The following PPP2R5E variants were observed in gnomAD, a reference collection of about 807,000 sequenced individuals.
PPP2R5E encodes the protein serine/threonine-protein phosphatase 2A 56 kDa regulatory subunit epsilon isoform.
In PPP2R5E, 4 loss-of-function variants were observed where a neutral mutation model predicts 65.3. That is an observed-to-expected ratio of 0.06 (90% CI 0.03 to 0.14). PPP2R5E has a LOEUF of 0.14. Among genes scored for constraint, PPP2R5E ranks in the 10% least tolerant of loss-of-function variants. PPP2R5E has a pLI of 1.00. For synonymous variants in PPP2R5E, 183 were observed against 187.4 expected (o/e 0.98, Z 0.19); for missense variants, 274 against 556.1 (o/e 0.49, Z 5.10).
intron 3 of PPP2R5E, among the ~76,000 whole-genome samples, chr14:63,425,828 G>C (rs1887300715): frequency 6.6e-6 from 1 of 152,136 alleles, no homozygotes; most frequent in Admixed American, 6.6e-5. Flanking sequence ...TTATTTCTAA[G>C]GATGTTTATC....
intron 5 of PPP2R5E, among the ~76,000 whole-genome samples, chr14:63,408,623 T>A (rs1384567560): frequency 6.6e-6 from 1 of 152,238 alleles, no homozygotes; most frequent in African/African-American, 2.4e-5. Flanking sequence ...TTCAAGTTTT[T>A]AAAAAACTAA....
chr14:63,515,561 C>G (rs557775265), intron 2 of PPP2R5E, among the ~76,000 whole-genome samples: 26 of 151,570 alleles, frequency 1.7e-4, no homozygotes, highest in Admixed American at 1.1e-3. Context: ...GTCAGAGTCT[C>G]ACTCTGTAGC....
chr14:63,444,221 C>A (rs1888369922), intron 3 of PPP2R5E, among the ~76,000 whole-genome samples: 1 of 152,216 alleles, frequency 6.6e-6, no homozygotes. Context: ...CTGTATATAA[C>A]ATGTGGTTTG....
At chr14:63,412,505 T>G (rs1158082289) in intron 5 of PPP2R5E, among the ~76,000 whole-genome samples, 1 of 152,116 alleles carries the variant, frequency 6.6e-6, no homozygotes, top group Non-Finnish European at 1.5e-5. Context: ...AGATGTCATA[T>G]TAGAGGACAA....
intron 2 of PPP2R5E, among the ~76,000 whole-genome samples, chr14:63,539,064 C>A (rs1244368974): frequency 6.6e-6 from 1 of 152,072 alleles, no homozygotes; most frequent in African/African-American, 2.4e-5. Context: ...ATGTAAACAA[C>A]TATAAATGGA....
Position 63,453,866 on chromosome 14 carries a change from C to A in PPP2R5E, c.177G>T (p.Gln59His). The change falls in exon 3 of 14, where the codon CAG (glutamine) becomes CAT (histidine). Residue 59 changes from glutamine (Q) to histidine (H), a missense_variant. Physicochemically the swap from Gln to His is conservative, Grantham distance 24 (BLOSUM62 0). This residue lies in a region of PPP2R5E where 51 missense variants were observed against 101.1 expected (regional missense o/e 0.50). Coordinates refer to ENST00000337537, the MANE Select transcript of PPP2R5E (RefSeq NM_006246.5). ...PLLKDVPSSE[Q>H]PELFLKKLQQ... ...GAAGTTTCTTTAGGAACAGTTCAGG[C>A]TGCTCTGAGGATGGAACGTCTAAGA... 6.7e-7 allele frequency: 1 copy of A among 1,499,220 alleles called. No individual in the cohort carries two copies. The highest frequency in any genetic ancestry group is 1.4e-5 in the South Asian group (1 of 71,360). The allele number at this position is 1,499,220 out of a possible 1,614,324, so 92.9% of individuals were successfully genotyped here.
intron 6 of PPP2R5E, 69 bp from the exon 7 acceptor site, chr14:63,395,354 AG>A: frequency 1.2e-6 from 1 of 813,076 alleles, no homozygotes; most frequent in East Asian, 4.2e-5. Flanking sequence ...TAAAAAGAGG[AG>A]GAGGAGGAGG....
chr14:63,456,680 C>G (rs1889144120), intron 2 of PPP2R5E, among the ~76,000 whole-genome samples: 1 of 152,176 alleles, frequency 6.6e-6, no homozygotes. Flanking sequence ...GGATTCAAAC[C>G]CAAGTGGATT....
intron 3 of PPP2R5E, among the ~76,000 whole-genome samples, chr14:63,441,266 T>A (rs570453912): frequency 1.2e-4 from 19 of 152,350 alleles, no homozygotes; most frequent in African/African-American, 4.3e-4. Context: ...GCCACAAGTC[T>A]AAATCGTGTA....
chr14:63,380,474 A>G (rs759646738), intron 13 of PPP2R5E, among the ~76,000 whole-genome samples: 8 of 152,098 alleles, frequency 5.3e-5, no homozygotes, highest in Non-Finnish European at 1.2e-4. Flanking sequence ...CATCCTGACT[A>G]GCACAGTGAA....
intron 2 of PPP2R5E, among the ~76,000 whole-genome samples, chr14:63,472,994 T>C (rs1890206173): frequency 6.6e-6 from 1 of 152,198 alleles, no homozygotes; most frequent in Non-Finnish European, 1.5e-5. Context: ...TGAGGGCTTA[T>C]ACGAAGTTGA....
intron 3 of PPP2R5E, among the ~76,000 whole-genome samples, chr14:63,449,437 T>G (rs913112226): frequency 2.0e-5 from 3 of 152,158 alleles, no homozygotes; most frequent in Non-Finnish European, 2.9e-5. Flanking sequence ...TTCTAAAACT[T>G]TTATAAATAT....
chr14:63,415,272 C>T (rs1886630987), intron 4 of PPP2R5E, 40 bp from the exon 5 acceptor site: 2 of 1,439,048 alleles, frequency 1.4e-6, no homozygotes, highest in Admixed American at 3.5e-5. Context: ...AATTATGACT[C>T]ACTGAGAACA....
chr14:63,497,878 C>T (rs1891656157), intron 2 of PPP2R5E, among the ~76,000 whole-genome samples: 1 of 152,134 alleles, frequency 6.6e-6, no homozygotes, highest in South Asian at 2.1e-4. Flanking sequence ...CCTTTAATGG[C>T]CAGAAGCATA....
At chr14:63,490,804 C>T (rs1034855743) in intron 2 of PPP2R5E, among the ~76,000 whole-genome samples, 26 of 152,052 alleles carry the variant, frequency 1.7e-4, no homozygotes, top group African/African-American at 5.6e-4. Flanking sequence ...ATTAGTTCAG[C>T]CCCTATGTTA....
At chr14:63,508,957 A>G (rs7150291) in intron 2 of PPP2R5E, among the ~76,000 whole-genome samples, 20,499 of 152,264 alleles carry the variant, frequency 0.13, 1,510 homozygotes, top group African/African-American at 0.17. Flanking sequence ...CTTGAAGAAT[A>G]TGATTCTAAT....
In PPP2R5E at chr14:63,384,554, G is replaced by A. The variant is rs367736186; in HGVS notation, c.1092C>T (p.Leu364=). Residue 364 remains leucine (L), a synonymous_variant, in exon 12 of 14, where the codon CTC becomes CTT. Coordinates refer to ENST00000337537, the MANE Select transcript of PPP2R5E (RefSeq NM_006246.5). ...TGATGTATTCATTATTCCAATAATA[G>A]AGTGCTCTTTCTGCCACCTTTGGGA... ...SPHFQVAERA[L]YYWNNEYIMS... 13 of 1,612,236 alleles carry A rather than the reference G, an allele frequency of 8.1e-6. No individual in the cohort carries two copies. The African/African-American group carries it at 1.7e-4, about 22-fold the overall frequency.
At chr14:63,522,897 C>T (rs552315732) in intron 2 of PPP2R5E, among the ~76,000 whole-genome samples, 2,033 of 146,088 alleles carry the variant, frequency 0.014, 65 homozygotes, top group African/African-American at 0.048. Context: ...CCGCCCCGTC[C>T]GGGAGGGAGG....
Position 63,375,989 on chromosome 14 carries a change from T to C in PPP2R5E, c.*20A>G, listed in dbSNP as rs1337761301. ...AACGTGTGACTCCACAGGTTAGTAATGTTGTTGTCATTGTTTTTGTTAAGT... is the reference window on the plus strand; with the variant it reads ...AACGTGTGACTCCACAGGTTAGTAACGTTGTTGTCATTGTTTTTGTTAAGT... On this transcript the variant is annotated 3_prime_UTR_variant, in exon 14 of 14. Transcript: ENST00000337537. 1 of 1,506,120 alleles carries C rather than the reference T, an allele frequency of 6.6e-7. No homozygotes were observed. The highest frequency in any genetic ancestry group is 9.2e-7 in the Non-Finnish European group (1 of 1,083,352). The allele number at this position is 1,506,120 out of a possible 1,614,324, so 93.3% of individuals were successfully genotyped here. A position where few individuals can be genotyped will look rare whatever the true frequency, so the allele number is the denominator to read the frequency against.
Sources: gnomAD v4.1 joint callset for allele counts (sites outside exome capture counted in the v4.1 genomes callset) on GRCh38, gnomAD v4.1.1 for gene constraint, gnomAD v4.1.1 regional missense constraint, MANE v1.5 for transcripts, NCBI Gene and HGNC (gene_info 2026-07-23, HGNC 2026-07-21) for gene names.